CA12: variants seen among roughly 807,000 people sequenced by gnomAD.
The protein encoded by CA12 is carbonic anhydrase 12, also known as carbonate dehydratase XII.
A neutral mutation model predicts 46.8 loss-of-function variants in CA12; 36 were observed. The observed-to-expected ratio is 0.77, with a 90% confidence interval of 0.59 to 1.02. The LOEUF is 1.02. Among genes scored for constraint, CA12 ranks in the 50% least tolerant of loss-of-function variants. The probability of loss-of-function intolerance (pLI) is 0.00; values close to 1 mark genes in which losing one functional copy is unlikely to be tolerated. For synonymous variants in CA12, 202 were observed against 187.0 expected (o/e 1.08, Z -0.65); for missense variants, 436 against 451.4 (o/e 0.97, Z 0.31).
In CA12 at chr15:63,340,339, G is replaced by A; in HGVS notation, c.696C>T (p.Pro232=). The change falls in exon 7 of 11, where the codon CCC becomes CCT. Residue 232 remains proline (P), a synonymous_variant. Transcript: ENST00000178638. This position sits in a 1 kb window ranked among gnomAD's most constrained non-coding sequence, Gnocchi z 4.4. ...RGSLTTPPCN[P]TVLWTVFRNP... The stretch of plus-strand genomic sequence containing the variant: ...TTCGGAAAACTGTCCAGAGCACAGT[G>A]GGGTTGCAAGGGGGTGTGGTCAGGG... The A allele has an allele frequency of 6.2e-7, 1 of 1,614,210 alleles. No homozygotes were observed. Among genetic ancestry groups the A allele is most frequent in the Admixed American group, 1.7e-5 (1 of 60,032 alleles).
At chr15:63,333,926 G>T (rs987860169) in intron 8 of CA12, among the ~76,000 whole-genome samples, 3 of 152,180 alleles carry the variant, frequency 2.0e-5, no homozygotes, top group Non-Finnish European at 4.4e-5. Flanking sequence ...GCCCTGACAT[G>T]TTGAGCACAG....
chr15:63,327,183 C>T lies in CA12; in HGVS notation c.958G>A (p.Val320Met), dbSNP rs1450952781. ...CTGAAAAGCCAAATGGACACCACCA[C>T]CACAATACAGATGCCAAGAATGCCA... The part of the protein sequence containing the change: ...LAGILGICIV[V>M]VVSIWLFRRK... Residue 320 changes from valine to methionine, a missense_variant, in exon 10 of 11, where the codon GTG becomes ATG. Val to Met is a conservative substitution (Grantham distance 21). Transcript: ENST00000178638. The surrounding 1 kb of genome is among the most constrained non-coding windows in gnomAD (Gnocchi z 4.5). 1 of 1,613,990 alleles carries T rather than the reference C, an allele frequency of 6.2e-7. No homozygotes were observed. Among genetic ancestry groups the T allele is most frequent in the Non-Finnish European group, 8.5e-7 (1 of 1,179,990 alleles).
At chr15:63,350,635 G>A (rs879704929) in intron 2 of CA12, among the ~76,000 whole-genome samples, 9 of 152,194 alleles carry the variant, frequency 5.9e-5, no homozygotes, top group African/African-American at 1.9e-4. Flanking sequence ...TTCCTGTTTC[G>A]AAAGGTAACA....
intron 10 of CA12, among the ~76,000 whole-genome samples, chr15:63,326,607 G>A (rs1450116096): frequency 2.0e-5 from 3 of 152,030 alleles, no homozygotes; most frequent in Non-Finnish European, 2.9e-5. Flanking sequence ...AAGAGGTCTC[G>A]TTGTCACCCC....
In CA12 at chr15:63,381,613, A is replaced by G. The variant is rs541355296; in HGVS notation, c.85+23T>C. 180 of 1,601,776 alleles carry G rather than the reference A, an allele frequency of 1.1e-4. 1 individual carries two copies. In the Admixed American group the frequency reaches 2.9e-3, roughly 26 times the overall value. On this transcript the variant is annotated intron_variant, in intron 1 of 10. Coordinates refer to ENST00000178638, the MANE Select transcript of CA12 (RefSeq NM_001218.5). ...CGGCTGAGCGCTCAGGAGTGTTAGG[A>G]AAGAAGCAGGCGGAAACTTTACCGT... is the stretch of plus-strand genomic sequence containing the variant.
At chr15:63,364,985 G>C (rs1381116427) in intron 2 of CA12, among the ~76,000 whole-genome samples, 2 of 152,332 alleles carry the variant, frequency 1.3e-5, no homozygotes, top group Non-Finnish European at 1.5e-5. Context: ...GTCTCTCTCT[G>C]TTGCTGGGGC....
In CA12 at chr15:63,327,146, C is replaced by G. The variant is rs1047009630; in HGVS notation, c.992+3G>C. The stretch of plus-strand genomic sequence containing the variant: ...TTCCCATTTTGGACCCAAACCAGCT[C>G]ACCTCTTCCTTCTGAAAAGCCAAAT... On this transcript the variant is annotated splice_donor_region_variant and intron_variant, in intron 10 of 10. Coordinates refer to ENST00000178638, the MANE Select transcript of CA12 (RefSeq NM_001218.5). The surrounding 1 kb of genome is among the most constrained non-coding windows in gnomAD (Gnocchi z 4.5). The G allele has an allele frequency of 6.2e-7, 1 of 1,613,664 alleles. No individual in the cohort carries two copies.
In CA12 at chr15:63,327,088, G is replaced by A; in HGVS notation, c.992+61C>T. The A allele has an allele frequency of 6.9e-7, 1 of 1,458,568 alleles. No homozygotes were observed. Among genetic ancestry groups the A allele is most frequent in the East Asian group, 2.3e-5 (1 of 43,974 alleles). The allele number at this position is 1,458,568 out of a possible 1,614,324, so 90.4% of individuals were successfully genotyped here. A position where few individuals can be genotyped will look rare whatever the true frequency, so the allele number is the denominator to read the frequency against. ...TCATGCCACAAAGCTGCCTTCCCAG[G>A]CAGACTAATCATCATGGACACATAG... On this transcript the variant is annotated intron_variant, in intron 10 of 10. Transcript: ENST00000178638. The surrounding 1 kb of genome is among the most constrained non-coding windows in gnomAD (Gnocchi z 4.5).
At chr15:63,338,533 C>T (rs1035953723) in intron 8 of CA12, among the ~76,000 whole-genome samples, 9 of 152,174 alleles carry the variant, frequency 5.9e-5, no homozygotes, top group Non-Finnish European at 8.8e-5. Context: ...GAGAAGTCCC[C>T]AGGGAATTCT....
Position 63,324,623 on chromosome 15 carries a change from G to C in CA12, c.*1662C>G, listed in dbSNP as rs566426138. The C allele has an allele frequency of 6.6e-6, 1 of 151,618 alleles. No individual in the cohort carries two copies. The highest frequency in any genetic ancestry group is 2.1e-4 in the South Asian group (1 of 4,796). 9.4% of individuals were successfully genotyped at this position (151,618 alleles called of 1,614,324 possible). A position where few individuals can be genotyped will look rare whatever the true frequency, so the allele number is the denominator to read the frequency against. On this transcript the variant is annotated 3_prime_UTR_variant, in exon 11 of 11. Coordinates refer to ENST00000178638, the MANE Select transcript of CA12 (RefSeq NM_001218.5). Reference sequence around the variant, plus strand: ...ATTAGGTCACTTGTAACTTTGCCTAGCAAAACAGGCTCCCAAGACATAAGG... The same window carrying C: ...ATTAGGTCACTTGTAACTTTGCCTACCAAAACAGGCTCCCAAGACATAAGG...
chr15:63,362,836 T>C (rs897767885), intron 2 of CA12, among the ~76,000 whole-genome samples: 3 of 152,238 alleles, frequency 2.0e-5, no homozygotes, highest in African/African-American at 7.2e-5. Context: ...TTCTTAAACC[T>C]GAAGACCTTC....
rs192027345 is a variant in CA12, at chr15:63,365,327, A to G, written c.106+10331T>C. On this transcript the variant is annotated intron_variant, in intron 2 of 10. Coordinates refer to ENST00000178638, the MANE Select transcript of CA12 (RefSeq NM_001218.5). Reference sequence around the variant, plus strand: ...AAAATCCCTGCATTTCCTCAACGGCATGAGGTGTAGTGCAGGGCACACAGT... The same window carrying G: ...AAAATCCCTGCATTTCCTCAACGGCGTGAGGTGTAGTGCAGGGCACACAGT... Among the ~76,000 whole-genome samples, 608 of 152,364 alleles carry G rather than the reference A, an allele frequency of 4.0e-3. 7 individuals are homozygous for G. The highest frequency in any genetic ancestry group is 0.014 in the African/African-American group (585 of 41,584).
Position 63,339,901 on chromosome 15 carries a change from G to C in CA12, c.747+387C>G. Reference sequence around the variant, plus strand: ...TAGACCTTGAGCTTCTTGGGGGCAGGGACCCTCACTTAGTCATTGCTGCAA... The same window carrying C: ...TAGACCTTGAGCTTCTTGGGGGCAGCGACCCTCACTTAGTCATTGCTGCAA... On this transcript the variant is annotated intron_variant, in intron 7 of 10. Coordinates refer to ENST00000178638, the MANE Select transcript of CA12 (RefSeq NM_001218.5). The surrounding 1 kb of genome is among the most constrained non-coding windows in gnomAD (Gnocchi z 4.3). The C allele has an allele frequency of 3.1e-6, 1 of 324,344 alleles. No homozygotes were observed. The highest frequency in any genetic ancestry group is 2.2e-5 in the African/African-American group (1 of 46,274). 20.1% of individuals were successfully genotyped at this position (324,344 alleles called of 1,614,324 possible).
intron 2 of CA12, among the ~76,000 whole-genome samples, chr15:63,350,917 G>A (rs1409015075): frequency 6.6e-6 from 1 of 152,132 alleles, no homozygotes; most frequent in East Asian, 1.9e-4. Context: ...TATTTCATCT[G>A]TATATATTTC....
At chr15:63,376,554 T>TTTCC (rs1445381571) in intron 1 of CA12, among the ~76,000 whole-genome samples, 19 of 134,690 alleles carry the variant, frequency 1.4e-4, no homozygotes, top group Admixed American at 9.4e-4. Context: ...ACTCTCTTTC[T>TTTCC]TTCCTTTCTT....
chr15:63,379,080 T>G (rs962085068), intron 1 of CA12: 1 of 151,916 alleles, frequency 6.6e-6, no homozygotes, highest in Non-Finnish European at 1.5e-5. Context: ...AGTCATAGAG[T>G]GGACATCTGG....
chr15:63,356,594 C>T (rs2039299152), intron 2 of CA12, among the ~76,000 whole-genome samples: 1 of 145,858 alleles, frequency 6.9e-6, no homozygotes, highest in Admixed American at 6.9e-5. Context: ...CGTGATCTCG[C>T]TCACTGCAAC....
chr15:63,326,363 A>G lies in CA12; in HGVS notation c.993-6T>C. On this transcript the variant is annotated splice_polypyrimidine_tract_variant and splice_region_variant and intron_variant, in intron 10 of 10. Coordinates refer to ENST00000178638, the MANE Select transcript of CA12 (RefSeq NM_001218.5). ...TGTTATCACCTTTTTTGATACTAGA[A>G]CAGAAAGAACACATAACTCTTGTTA... 6.2e-7 allele frequency: 1 copy of G among 1,609,624 alleles called. No homozygotes were observed. The highest frequency in any genetic ancestry group is 8.5e-7 in the Non-Finnish European group (1 of 1,175,986).
At chr15:63,364,503 G>T (rs546919581) in intron 2 of CA12, among the ~76,000 whole-genome samples, 47 of 152,226 alleles carry the variant, frequency 3.1e-4, no homozygotes, top group Non-Finnish European at 5.4e-4. Context: ...AGGAGATGCA[G>T]CTGGGAGTAT....
Sources: gnomAD v4.1 joint callset for allele counts (sites outside exome capture counted in the v4.1 genomes callset) on GRCh38, gnomAD v4.1.1 for gene constraint, Gnocchi (gnomAD v3.1) non-coding constraint, MANE v1.5 for transcripts, NCBI Gene and HGNC (gene_info 2026-07-23, HGNC 2026-07-21) for gene names.